Variants in LRRK2 observed in about 807,000 individuals in gnomAD.
LRRK2 encodes leucine-rich repeat serine/threonine-protein kinase 2.
Under a neutral mutation model 302.6 loss-of-function variants are expected in LRRK2, and 203 were observed. The observed-to-expected ratio is 0.67, with a 90% CI of 0.60 to 0.75. The LOEUF (loss-of-function observed/expected upper bound fraction) is 0.75. Ranked by LOEUF, LRRK2 falls within the 30% of genes least tolerant of loss-of-function variation. The pLI is 0.00. For missense variants in LRRK2, 2,830 were observed against 2,951.0 expected (o/e 0.96, Z 0.95); for synonymous variants, 1,066 against 1,031.9 (o/e 1.03, Z -0.63).
intron 47 of LRRK2, 141 bp downstream of exon 47, chr12:40,359,585 C>T: frequency 1.2e-6 from 1 of 839,984 alleles, no homozygotes. Flanking sequence ...ATTAAACTTT[C>T]ATTATAAAAA....
intron 12 of LRRK2, 38 bp from the exon 13 acceptor site, chr12:40,259,442 T>C (rs1942671974): frequency 1.9e-6 from 3 of 1,611,902 alleles, no homozygotes; most frequent in Non-Finnish European, 8.5e-7. Context: ...TTGAATCAGA[T>C]CAGTCTTTCA....
At chr12:40,274,561 G>T (rs1340555802) in intron 14 of LRRK2, 22 bp from the exon 15 acceptor site, 2 of 1,612,428 alleles carry the variant, frequency 1.2e-6, no homozygotes, top group South Asian at 2.2e-5. Flanking sequence ...ATTTTTAACA[G>T]CGAGTATTCT....
chr12:40,362,233 C>CA (rs1379523445), intron 47 of LRRK2, among the ~76,000 whole-genome samples: 1 of 151,894 alleles, frequency 6.6e-6, no homozygotes, highest in Admixed American at 6.6e-5. Context: ...TCTGACAACA[C>CA]ATCATATTTT....
At chr12:40,253,889 T>TAGAG (rs1465406815) in intron 11 of LRRK2, among the ~76,000 whole-genome samples, 1 of 152,184 alleles carries the variant, frequency 6.6e-6, no homozygotes. Flanking sequence ...TGCAACTGGG[T>TAGAG]AGAGAGCTAT....
In LRRK2 at chr12:40,243,537, T is replaced by C. The variant is rs1368131495; in HGVS notation, c.707-13T>C. 2.5e-6 allele frequency: 4 copies of C among 1,610,212 alleles called. No individual in the cohort carries two copies. The highest frequency in any genetic ancestry group is 3.4e-6 in the Non-Finnish European group (4 of 1,177,426). ...GGTTACCTTATTGATAATTATGATC[T>C]CTTTAAATTCAGGCAATAATGTGGA... On this transcript the variant is annotated splice_polypyrimidine_tract_variant and intron_variant, in intron 6 of 50. Coordinates refer to ENST00000298910, the MANE Select transcript of LRRK2 (RefSeq NM_198578.4).
At chr12:40,233,338 G>T (rs967375592) in intron 3 of LRRK2, among the ~76,000 whole-genome samples, 3 of 152,102 alleles carry the variant, frequency 2.0e-5, no homozygotes, top group African/African-American at 7.2e-5. Flanking sequence ...ATGGTATATG[G>T]TTTATGAAAA....
Position 40,365,055 on chromosome 12 carries a change from GTT to G in LRRK2, c.7390+7_7390+8del. 2 of 1,609,808 alleles carry G rather than the reference GTT, an allele frequency of 1.2e-6. No individual in the cohort carries two copies. The highest frequency in any genetic ancestry group is 8.5e-7 in the Non-Finnish European group (1 of 1,176,880). Reference sequence around the variant, plus strand: ...TCATGATGACAGCACAGCTAGGCAAGTTTCTTTCCTTTAGATATTTTTCATAT... The same window carrying G: ...TCATGATGACAGCACAGCTAGGCAAGTCTTTCCTTTAGATATTTTTCATAT... On this transcript the variant is annotated splice_donor_region_variant and intron_variant, in intron 49 of 50. Transcript: ENST00000298910.
intron 48 of LRRK2, 53 bp downstream of exon 48, chr12:40,363,607 A>G: frequency 1.3e-6 from 2 of 1,581,496 alleles, no homozygotes; most frequent in Non-Finnish European, 1.7e-6. Context: ...TTTGCACTTC[A>G]TGTGTCACAG....
At chr12:40,290,030 C>T (rs1944081134) in intron 20 of LRRK2, among the ~76,000 whole-genome samples, 1 of 151,888 alleles carries the variant, frequency 6.6e-6, no homozygotes, top group South Asian at 2.1e-4. Flanking sequence ...GAAAAACATA[C>T]AGTCTCTAAT....
At chr12:40,276,887 C>T (rs1943478218) in intron 16 of LRRK2, among the ~76,000 whole-genome samples, 1 of 152,098 alleles carries the variant, frequency 6.6e-6, no homozygotes, top group Non-Finnish European at 1.5e-5. Context: ...GGCTAGAGTG[C>T]AGTGGCACAA....
chr12:40,334,806 T>C (rs1945819642), intron 39 of LRRK2, among the ~76,000 whole-genome samples, 161 bp from the exon 40 acceptor site: 1 of 152,068 alleles, frequency 6.6e-6, no homozygotes, highest in Non-Finnish European at 1.5e-5. Context: ...TTTTTATTAC[T>C]GAAAATACGG....
intron 19 of LRRK2, among the ~76,000 whole-genome samples, chr12:40,285,639 A>G (rs1160982539): frequency 6.6e-6 from 1 of 152,116 alleles, no homozygotes; most frequent in African/African-American, 2.4e-5. Flanking sequence ...AATGCACATT[A>G]AAACATTGTT....
intron 16 of LRRK2, among the ~76,000 whole-genome samples, chr12:40,277,324 A>G (rs781209148): frequency 6.2e-4 from 94 of 152,284 alleles, no homozygotes; most frequent in Admixed American, 2.9e-3. Flanking sequence ...TAAATAACTT[A>G]TTATTAGAAT....
At chr12:40,350,893 A>G (rs1339048843) in intron 43 of LRRK2, among the ~76,000 whole-genome samples, 1 of 152,258 alleles carries the variant, frequency 6.6e-6, no homozygotes, top group Non-Finnish European at 1.5e-5. Context: ...GCTTAGACAT[A>G]CTTATTTTAT....
intron 14 of LRRK2, among the ~76,000 whole-genome samples, chr12:40,269,870 A>G (rs1943163726): frequency 6.6e-6 from 1 of 152,068 alleles, no homozygotes. Context: ...CCTCACTTTT[A>G]TCACCCAATT....
At chr12:40,243,987 C>T (rs945424371) in intron 7 of LRRK2, among the ~76,000 whole-genome samples, 1 of 151,800 alleles carries the variant, frequency 6.6e-6, no homozygotes, top group East Asian at 1.9e-4. Flanking sequence ...ATTGTTGAGG[C>T]TATATTTAAA....
chr12:40,310,289 A>G (rs1404887880), intron 30 of LRRK2, 142 bp from the exon 31 acceptor site: 20 of 815,954 alleles, frequency 2.5e-5, no homozygotes, highest in Non-Finnish European at 3.7e-5. Context: ...GGAAAAAAGG[A>G]CAGTTGTTCT....
At chr12:40,303,270 T>G (rs900461519) in intron 26 of LRRK2, among the ~76,000 whole-genome samples, 9 of 152,106 alleles carry the variant, frequency 5.9e-5, no homozygotes, top group African/African-American at 2.2e-4. Flanking sequence ...GGGGGAAGAT[T>G]AGGCAAGTTT....
chr12:40,232,919 G>T (rs1201348238), intron 3 of LRRK2: 1 of 152,350 alleles, frequency 6.6e-6, no homozygotes, highest in Non-Finnish European at 1.5e-5. Flanking sequence ...AATCTTGATA[G>T]TAATTTTACC....
Sources: allele counts gnomAD v4.1 joint callset (sites outside exome capture counted in the v4.1 genomes callset), GRCh38; gene constraint gnomAD v4.1.1; transcripts MANE v1.5; gene names NCBI Gene and HGNC (gene_info 2026-07-23, HGNC 2026-07-21).